Variants in AVEN observed in about 807,000 individuals in gnomAD.
The protein encoded by AVEN is cell death regulator Aven.
Under a neutral mutation model 38.1 loss-of-function variants are expected in AVEN, and 41 were observed. That is an observed-to-expected ratio of 1.08 (90% CI 0.84 to 1.40). AVEN has a LOEUF of 1.40. Among genes scored for constraint, AVEN ranks in the 40% most tolerant of loss-of-function variants. AVEN has a pLI of 0.00. For missense variants in AVEN, 605 were observed against 438.8 expected (o/e 1.38, Z -3.38); for synonymous variants, 206 against 171.8 (o/e 1.20, Z -1.56).
At position 33,976,706 on chromosome 15, in the gene AVEN, C is replaced by CA. The variant is rs969698986; in HGVS notation, c.445+26325dup. Among the ~76,000 whole-genome samples the CA allele has an allele frequency of 2.6e-3, 383 of 149,204 alleles. 4 individuals are homozygous for CA. Among genetic ancestry groups the CA allele is most frequent in the East Asian group, 2.7e-3 (14 of 5,118 alleles). On this transcript the variant is annotated intron_variant, in intron 2 of 5. Transcript: ENST00000306730. ...ATAAATGTAAACAGCAAGACAGAAA[C>CA]AAAAAAAAAATTTAACATAAATGTA...
chr15:33,927,071 G>A (rs542408852), intron 2 of AVEN, among the ~76,000 whole-genome samples: 6 of 152,190 alleles, frequency 3.9e-5, no homozygotes, highest in African/African-American at 1.2e-4. Context: ...TGGCTAACAC[G>A]GTGAAACCCC....
chr15:34,065,844 C>T (rs937665565), intron 4 of AVEN: 10 of 152,224 alleles, frequency 6.6e-5, no homozygotes, highest in African/African-American at 2.4e-4. Context: ...TCGTTGGTTA[C>T]ATCTGCAGCT....
chr15:33,858,205 C>A (rs538913626), downstream of AVEN: 89 of 328,486 alleles, frequency 2.7e-4, no homozygotes, highest in South Asian at 7.2e-4. Context: ...AAAGATGAGA[C>A]ATTATTTTAT....
intron 1 of AVEN, among the ~76,000 whole-genome samples, chr15:34,034,812 C>G (rs937726957): frequency 3.3e-5 from 5 of 152,196 alleles, no homozygotes; most frequent in African/African-American, 1.2e-4. Context: ...TTACCAAGAA[C>G]TAATCTTAAA....
At chr15:33,983,617 C>G (rs1361438567) in intron 2 of AVEN, among the ~76,000 whole-genome samples, 1 of 152,122 alleles carries the variant, frequency 6.6e-6, no homozygotes, top group African/African-American at 2.4e-5. Context: ...ACATTATTTA[C>G]TGTCATTGTT....
chr15:33,865,051 G>A (rs1260007803), downstream of AVEN: 1 of 1,026,722 alleles, frequency 9.7e-7, no homozygotes, highest in Non-Finnish European at 1.5e-6. Context: ...CCTAAAGGGA[G>A]CCACAAAGAA....
Position 33,961,551 on chromosome 15 carries a change from T to G in AVEN, c.445+41481A>C, listed in dbSNP as rs80258955. ...TGTCTGCACTGGGTGAGGTGGCTCA[T>G]GCCTGTAATCCCAGCACTTTGGGAG... On this transcript the variant is annotated intron_variant, in intron 2 of 5. Coordinates refer to ENST00000306730, the MANE Select transcript of AVEN (RefSeq NM_020371.3). Among the ~76,000 whole-genome samples the G allele has an allele frequency of 8.1e-4, 123 of 151,838 alleles. 1 individual carries two copies. The highest frequency in any genetic ancestry group is 1.4e-3 in the East Asian group (7 of 5,138).
intron 2 of AVEN, among the ~76,000 whole-genome samples, chr15:33,893,866 C>T (rs960792618): frequency 2.0e-5 from 3 of 151,894 alleles, no homozygotes; most frequent in Non-Finnish European, 4.4e-5. Flanking sequence ...CACGGTGTTC[C>T]ATCAATTCAT....
At chr15:33,879,118 C>A (rs1417814738) in intron 2 of AVEN, among the ~76,000 whole-genome samples, 1 of 151,860 alleles carries the variant, frequency 6.6e-6, no homozygotes. Flanking sequence ...TTTACTGCGG[C>A]ACTATTCACA....
chr15:34,039,439 G>A (rs1274922387), upstream of AVEN, among the ~76,000 whole-genome samples: 1 of 152,136 alleles, frequency 6.6e-6, no homozygotes, highest in African/African-American at 2.4e-5. Flanking sequence ...GTATGTATTT[G>A]CATAAGAAAA....
intron 2 of AVEN, among the ~76,000 whole-genome samples, chr15:33,924,127 C>A (rs2153048715): frequency 6.6e-6 from 1 of 152,052 alleles, no homozygotes; most frequent in East Asian, 1.9e-4. Context: ...GTCTCTGGTG[C>A]CAAAAAGGTT....
intron 2 of AVEN, among the ~76,000 whole-genome samples, chr15:33,974,910 T>C (rs1895818395): frequency 1.3e-5 from 2 of 152,144 alleles, no homozygotes; most frequent in South Asian, 4.1e-4. Context: ...AGGTGGAGCT[T>C]GCAGTGAGCC....
At chr15:34,062,614 C>G in intron 5 of AVEN, 1 of 986,858 alleles carries the variant, frequency 1.0e-6, no homozygotes, top group African/African-American at 1.6e-5. Context: ...TGCTGGTGTG[C>G]GAAGCTAATG....
At chr15:34,021,987 T>C (rs750885327) in intron 1 of AVEN, among the ~76,000 whole-genome samples, 5 of 152,236 alleles carry the variant, frequency 3.3e-5, no homozygotes, top group African/African-American at 4.8e-5. Context: ...TGACAACTAC[T>C]GCAAAATTTG....
intron 2 of AVEN, among the ~76,000 whole-genome samples, chr15:33,904,716 T>C (rs62014484): frequency 0.84 from 120,166 of 142,976 alleles, 53,722 homozygotes; most frequent in Non-Finnish European, 0.98. Context: ...TATATATATA[T>C]ACACACACAC....
intron 4 of AVEN, among the ~76,000 whole-genome samples, chr15:33,868,203 T>C (rs1342366399): frequency 6.6e-6 from 1 of 152,116 alleles, no homozygotes; most frequent in East Asian, 1.9e-4. Flanking sequence ...CTTAAATCTG[T>C]ATTAAGACAT....
intron 1 of AVEN, among the ~76,000 whole-genome samples, chr15:34,029,641 T>C (rs977428476): frequency 1.6e-4 from 24 of 151,902 alleles, no homozygotes; most frequent in African/African-American, 5.8e-4. Flanking sequence ...ACACAACACT[T>C]GGGAATGGAG....
At chr15:33,886,673 CTG>C (rs1464769808) in intron 2 of AVEN, among the ~76,000 whole-genome samples, 1 of 152,206 alleles carries the variant, frequency 6.6e-6, no homozygotes, top group African/African-American at 2.4e-5. Flanking sequence ...TCCACCATGA[CTG>C]TAAGTTTCCT....
intron 1 of AVEN, among the ~76,000 whole-genome samples, chr15:34,013,962 A>C (rs893594022): frequency 1.3e-5 from 2 of 152,178 alleles, no homozygotes; most frequent in Non-Finnish European, 2.9e-5. Context: ...GAGGGAACTC[A>C]CATTATCCCC....
Sources: gnomAD v4.1 joint callset for allele counts (sites outside exome capture counted in the v4.1 genomes callset) on GRCh38, gnomAD v4.1.1 for gene constraint, MANE v1.5 for transcripts, NCBI Gene and HGNC (gene_info 2026-07-23, HGNC 2026-07-21) for gene names.